The following SMARCC1 variants were observed in gnomAD, a reference collection of about 807,000 sequenced individuals.
SMARCC1 encodes the protein SWI/SNF complex subunit SMARCC1.
Under a neutral mutation model 147.4 loss-of-function variants are expected in SMARCC1, and 43 were observed. The ratio of observed to expected loss-of-function variants is 0.29; its 90% CI spans 0.23 to 0.38. SMARCC1 has a LOEUF of 0.38. SMARCC1 is among the 10% of genes least tolerant of loss of function. SMARCC1 has a pLI of 1.00. For synonymous variants in SMARCC1, 495 were observed against 484.4 expected, an observed-to-expected ratio of 1.02 and a Z score of -0.29; for missense variants, 1,119 against 1,381.1, an observed-to-expected ratio of 0.81 and a Z score of 3.01.
rs1483590221 is a variant in SMARCC1, at chr3:47,586,674, T to C, written c.*1535A>G. ...CATATGTAAAGCTTTAGAAAATATA[T>C]AGAAAAAGATATCCAAAAGATGTCC... On this transcript the variant is annotated 3_prime_UTR_variant, in exon 28 of 28. Transcript: ENST00000254480. 1 of 152,588 alleles carries C rather than the reference T, an allele frequency of 6.6e-6. No individual in the cohort carries two copies. The highest frequency in any genetic ancestry group is 1.9e-4 in the East Asian group (1 of 5,198). 9.5% of individuals were successfully genotyped at this position (152,588 alleles called of 1,614,324 possible). A position where few individuals can be genotyped will look rare whatever the true frequency, so the allele number is the denominator to read the frequency against.
intron 8 of SMARCC1, among the ~76,000 whole-genome samples, chr3:47,712,002 G>A (rs1240743062): frequency 1.3e-5 from 2 of 152,224 alleles, no homozygotes; most frequent in Non-Finnish European, 2.9e-5. Flanking sequence ...GGAGGCTGAG[G>A]CGGGCAGATC....
intron 11 of SMARCC1, among the ~76,000 whole-genome samples, chr3:47,694,902 T>C (rs1366231161): frequency 2.0e-5 from 3 of 152,358 alleles, no homozygotes; most frequent in East Asian, 3.9e-4. Flanking sequence ...AGATTCTTTA[T>C]ACATTTTTAG....
At chr3:47,720,563 A>C (rs1489010169) in intron 7 of SMARCC1, 103 bp downstream of exon 7, 1 of 829,820 alleles carries the variant, frequency 1.2e-6, no homozygotes, top group Non-Finnish European at 2.0e-6. Flanking sequence ...ATGACTAAAC[A>C]CAAAGCAACA....
chr3:47,662,816 T>A (rs1479338358), intron 19 of SMARCC1, among the ~76,000 whole-genome samples: 1 of 151,794 alleles, frequency 6.6e-6, no homozygotes, highest in Non-Finnish European at 1.5e-5. Context: ...CTCACGCGTA[T>A]AATCTCAGCA....
At chr3:47,625,511 C>T (rs1290324532) in intron 24 of SMARCC1, among the ~76,000 whole-genome samples, 1 of 151,778 alleles carries the variant, frequency 6.6e-6, no homozygotes, top group Non-Finnish European at 1.5e-5. Context: ...CTGGGATTAC[C>T]GGCATGAGCC....
intron 21 of SMARCC1, among the ~76,000 whole-genome samples, chr3:47,659,761 G>GC (rs1553680849): frequency 1.4e-3 from 14 of 10,190 alleles, no homozygotes; most frequent in Admixed American, 5.8e-3. Flanking sequence ...AAAAAAAAAA[G>GC]GGGGGGGGGG....
At chr3:47,771,197 C>T (rs1275299436) in intron 2 of SMARCC1, among the ~76,000 whole-genome samples, 2 of 152,160 alleles carry the variant, frequency 1.3e-5, no homozygotes, top group African/African-American at 4.8e-5. Context: ...GCATAAGCCA[C>T]GACGCCCCGC....
intron 7 of SMARCC1, among the ~76,000 whole-genome samples, chr3:47,719,474 G>A (rs1402176574): frequency 3.3e-5 from 5 of 151,994 alleles, no homozygotes; most frequent in African/African-American, 9.7e-5. Flanking sequence ...GCCAAGGTGG[G>A]TGGATCACCT....
At chr3:47,628,481 T>C (rs1236932429) in intron 24 of SMARCC1, among the ~76,000 whole-genome samples, 5 of 152,186 alleles carry the variant, frequency 3.3e-5, no homozygotes, top group East Asian at 3.9e-4. Context: ...TAGGCAAAAA[T>C]TGGGGGCTTT....
intron 25 of SMARCC1, among the ~76,000 whole-genome samples, chr3:47,616,501 A>G (rs1047810145): frequency 1.3e-5 from 2 of 152,026 alleles, no homozygotes; most frequent in African/African-American, 4.8e-5. Context: ...GCTGGAGTAC[A>G]ATGGCATGAT....
intron 21 of SMARCC1, among the ~76,000 whole-genome samples, chr3:47,660,942 C>T (rs1294783972): frequency 6.6e-6 from 1 of 152,180 alleles, no homozygotes; most frequent in Admixed American, 6.5e-5. Flanking sequence ...TTTAAACCCA[C>T]TCAGCAACAT....
chr3:47,772,721 A>T, intron 2 of SMARCC1, 96 bp downstream of exon 2: 2 of 1,094,120 alleles, frequency 1.8e-6, no homozygotes, highest in Non-Finnish European at 2.5e-6. Flanking sequence ...TTTAAATTCT[A>T]CACGCTAGCA....
chr3:47,673,365 G>A (rs1380016535), intron 18 of SMARCC1, among the ~76,000 whole-genome samples: 7 of 123,412 alleles, frequency 5.7e-5, no homozygotes, highest in Non-Finnish European at 4.9e-5. Context: ...CAGCTTGGGC[G>A]ACAGAGCGAG....
At chr3:47,757,235 G>C (rs1405312299) in intron 2 of SMARCC1, among the ~76,000 whole-genome samples, 2 of 151,610 alleles carry the variant, frequency 1.3e-5, no homozygotes, top group Non-Finnish European at 2.9e-5. Context: ...TGGGTGATTA[G>C]GCCAGACCCC....
intron 2 of SMARCC1, among the ~76,000 whole-genome samples, chr3:47,748,415 A>G (rs1009136909): frequency 2.0e-5 from 3 of 152,002 alleles, no homozygotes; most frequent in Non-Finnish European, 2.9e-5. Context: ...TAAAAGACAA[A>G]CTTTTGCCAT....
chr3:47,700,417 C>T (rs1302664635), intron 11 of SMARCC1, among the ~76,000 whole-genome samples: 2 of 152,062 alleles, frequency 1.3e-5, no homozygotes, highest in African/African-American at 4.8e-5. Flanking sequence ...TATGCTAGAG[C>T]TTATTTTTTG....
At chr3:47,713,072 C>T (rs891987529) in intron 8 of SMARCC1, among the ~76,000 whole-genome samples, 11 of 152,078 alleles carry the variant, frequency 7.2e-5, no homozygotes, top group Admixed American at 2.6e-4. Flanking sequence ...CCTGTAATCC[C>T]AACACTTTGG....
intron 13 of SMARCC1, among the ~76,000 whole-genome samples, chr3:47,689,067 G>C (rs2033762337): frequency 6.6e-6 from 1 of 151,966 alleles, no homozygotes; most frequent in Admixed American, 6.6e-5. Flanking sequence ...AAATCAGTTG[G>C]GTGTAGTGGT....
intron 2 of SMARCC1, among the ~76,000 whole-genome samples, chr3:47,761,647 T>C (rs2034775386): frequency 1.3e-5 from 2 of 152,292 alleles, no homozygotes; most frequent in South Asian, 2.1e-4. Context: ...CTTTTATTCT[T>C]GCTTCCAAGA....
Sources: allele counts gnomAD v4.1 joint callset (sites outside exome capture counted in the v4.1 genomes callset), GRCh38; gene constraint gnomAD v4.1.1; transcripts MANE v1.5; gene names NCBI Gene and HGNC (gene_info 2026-07-23, HGNC 2026-07-21).